WLS: variants seen among roughly 807,000 people sequenced by gnomAD.
The protein encoded by WLS is protein wntless homolog.
Under a neutral mutation model 62.8 loss-of-function variants are expected in WLS, and 23 were observed. That is an observed-to-expected ratio of 0.37 (90% CI 0.26 to 0.52). The LOEUF (loss-of-function observed/expected upper bound fraction) is 0.52. Ranked by LOEUF, WLS falls within the 20% of genes least tolerant of loss-of-function variation. WLS has a pLI of 0.92. For missense variants in WLS, 615 were observed against 697.3 expected, an observed-to-expected ratio of 0.88 and a Z score of 1.33; for synonymous variants, 246 against 244.1, an observed-to-expected ratio of 1.01 and a Z score of -0.07.
rs1297926368 is a variant in WLS, at chr1:68,126,221, G to A, written c.*5C>T. On this transcript the variant is annotated 3_prime_UTR_variant, in exon 12 of 12. Transcript: ENST00000262348. Reference sequence around the variant, plus strand: ...GAGACCGTCCCAGCCGGGCGCTGCAGCCTCCTACTCCTGGGCCTCCTTGCG... The same window carrying A: ...GAGACCGTCCCAGCCGGGCGCTGCAACCTCCTACTCCTGGGCCTCCTTGCG... 6.2e-7 allele frequency: 1 copy of A among 1,614,148 alleles called. No individual in the cohort carries two copies. Among genetic ancestry groups the A allele is most frequent in the Non-Finnish European group, 8.5e-7 (1 of 1,180,030 alleles).
intron 4 of WLS, 29 bp downstream of exon 4, chr1:68,155,070 A>G (rs1365154950): frequency 3.1e-6 from 5 of 1,607,098 alleles, no homozygotes; most frequent in East Asian, 4.5e-5. Flanking sequence ...CCTCCAATAC[A>G]CATGTCAAGA....
chr1:68,173,705 ATTTTG>A (rs1647188754), intron 2 of WLS, among the ~76,000 whole-genome samples: 2 of 151,752 alleles, frequency 1.3e-5, no homozygotes, highest in Non-Finnish European at 2.9e-5. Context: ...CCAGCTAAGT[ATTTTG>A]CCCAGATCTA....
chr1:68,225,625 G>A (rs1650111209), intron 1 of WLS, among the ~76,000 whole-genome samples: 1 of 152,202 alleles, frequency 6.6e-6, no homozygotes, highest in South Asian at 2.1e-4. Flanking sequence ...TGTCAGGGCT[G>A]CTGTTTGTAG....
At chr1:68,165,937 G>C (rs1224055919) in intron 2 of WLS, among the ~76,000 whole-genome samples, 1 of 152,210 alleles carries the variant, frequency 6.6e-6, no homozygotes, top group Admixed American at 6.5e-5. Context: ...TAGTGGGCCT[G>C]GTTCAGAGCA....
rs1036489686 is a variant in WLS, at chr1:68,232,493, G to A, written c.-194C>T. 3.3e-6 allele frequency: 4 copies of A among 1,221,538 alleles called. No homozygotes were observed. The highest frequency in any genetic ancestry group is 4.3e-6 in the Non-Finnish European group (4 of 929,992). 75.7% of individuals were successfully genotyped at this position (1,221,538 alleles called of 1,614,324 possible). A position where few individuals can be genotyped will look rare whatever the true frequency, so the allele number is the denominator to read the frequency against. On this transcript the variant is annotated 5_prime_UTR_variant, in exon 1 of 12. Coordinates refer to ENST00000262348, the MANE Select transcript of WLS (RefSeq NM_024911.7). Reference sequence around the variant, plus strand: ...CGGATTCCCCCGGCGCAGCCGGCTCGGGTTCCCCCAATGCCCGGAGCTGTG... The same window carrying A: ...CGGATTCCCCCGGCGCAGCCGGCTCAGGTTCCCCCAATGCCCGGAGCTGTG...
At position 68,105,611 on chromosome 1, in the gene WLS, T is replaced by C. The variant is rs1315902760; in HGVS notation, c.1511-6858A>G. Reference sequence around the variant, plus strand: ...CCAAAACCCAAATGAAAAAGGCATCTTGATTTTCTCTCTGAACTCTGCTCA... The same window carrying C: ...CCAAAACCCAAATGAAAAAGGCATCCTGATTTTCTCTCTGAACTCTGCTCA... On this transcript the variant is annotated intron_variant, in intron 11 of 11. Transcript: ENST00000354777. Among the ~76,000 whole-genome samples the C allele has an allele frequency of 2.6e-5, 4 of 152,232 alleles. No individual in the cohort carries two copies. In the East Asian group the frequency reaches 5.8e-4, roughly 22 times the overall value.
chr1:68,133,298 C>G (rs2100408771), intron 11 of WLS, among the ~76,000 whole-genome samples: 1 of 152,178 alleles, frequency 6.6e-6, no homozygotes, highest in East Asian at 1.9e-4. Context: ...AGGAAGGAAC[C>G]CAGGGGAAGT....
chr1:68,127,850 C>T (rs1322466197), intron 11 of WLS, among the ~76,000 whole-genome samples: 2 of 152,142 alleles, frequency 1.3e-5, no homozygotes, highest in African/African-American at 4.8e-5. Context: ...AATCTGGTGG[C>T]CTTAGAACCC....
chr1:68,133,051 GCAGCAACAGCAACA>G (rs55657305), intron 11 of WLS, among the ~76,000 whole-genome samples: 56,741 of 151,882 alleles, frequency 0.37, 10,693 homozygotes, highest in Non-Finnish European at 0.39. Context: ...AAAGGCAGCA[GCAGCAACAGCAACA>G]GCAGCAGCAG....
At chr1:68,175,883 G>A (rs986638496) in intron 2 of WLS, among the ~76,000 whole-genome samples, 1 of 152,206 alleles carries the variant, frequency 6.6e-6, no homozygotes, top group African/African-American at 2.4e-5. Context: ...CATTTGTGCT[G>A]CCAGCAGAAA....
intron 11 of WLS, among the ~76,000 whole-genome samples, chr1:68,103,929 G>C (rs1391563038): frequency 6.6e-6 from 1 of 152,112 alleles, no homozygotes; most frequent in Non-Finnish European, 1.5e-5. Context: ...CTGGGGGCAG[G>C]GGACAATTTT....
chr1:68,106,372 A>G (rs559395282), intron 11 of WLS, among the ~76,000 whole-genome samples: 3 of 152,238 alleles, frequency 2.0e-5, no homozygotes, highest in South Asian at 4.2e-4. Flanking sequence ...GGCCTGGGTG[A>G]TGATGTCCTC....
intron 11 of WLS, among the ~76,000 whole-genome samples, chr1:68,130,951 T>C (rs1646510903): frequency 7.3e-6 from 1 of 137,314 alleles, no homozygotes; most frequent in Non-Finnish European, 1.5e-5. Flanking sequence ...TGGAGTGGAG[T>C]GGAGCGATCT....
At chr1:68,172,583 T>C (rs758606983) in intron 2 of WLS, among the ~76,000 whole-genome samples, 1 of 152,176 alleles carries the variant, frequency 6.6e-6, no homozygotes, top group Non-Finnish European at 1.5e-5. Context: ...TAGTTTGTAC[T>C]GCATTAGAAG....
intron 1 of WLS, among the ~76,000 whole-genome samples, chr1:68,221,925 G>A (rs551098346): frequency 2.0e-5 from 3 of 152,190 alleles, no homozygotes; most frequent in Non-Finnish European, 4.4e-5. Context: ...TTTTGGCAAT[G>A]TGAATTTTCT....
chr1:68,099,404 C>T (rs1013765978), intron 11 of WLS, among the ~76,000 whole-genome samples: 1 of 152,104 alleles, frequency 6.6e-6, no homozygotes, highest in African/African-American at 2.4e-5. Flanking sequence ...TGAGAAGTAA[C>T]TGGGTTGTCA....
At chr1:68,112,794 A>T (rs1646245127) in intron 11 of WLS, among the ~76,000 whole-genome samples, 1 of 152,248 alleles carries the variant, frequency 6.6e-6, no homozygotes, top group South Asian at 2.1e-4. Context: ...CCTAATGAGA[A>T]GACTTGCCCT....
At chr1:68,149,231 T>TCCAGGTGGGGCC (rs1553128235) in intron 6 of WLS, among the ~76,000 whole-genome samples, 1 of 152,090 alleles carries the variant, frequency 6.6e-6, no homozygotes, top group Non-Finnish European at 1.5e-5. Flanking sequence ...GATCTTAGCC[T>TCCAGGTGGGGCC]CCAGGTGGGG....
intron 11 of WLS, among the ~76,000 whole-genome samples, chr1:68,128,127 G>A (rs1186621003): frequency 1.3e-5 from 2 of 152,162 alleles, no homozygotes; most frequent in East Asian, 3.9e-4. Context: ...GGGTAGAGAA[G>A]GCATTAAAGG....
Sources: allele counts gnomAD v4.1 joint callset (sites outside exome capture counted in the v4.1 genomes callset), GRCh38; gene constraint gnomAD v4.1.1; transcripts MANE v1.5; gene names NCBI Gene and HGNC (gene_info 2026-07-23, HGNC 2026-07-21).